PCDH9: variants seen among roughly 807,000 people sequenced by gnomAD.
The protein encoded by PCDH9 is protocadherin-9.
PCDH9 carries 24 observed loss-of-function variants against 70.6 expected under a neutral mutation model. The observed-to-expected ratio is 0.34, with a 90% CI of 0.25 to 0.48. The LOEUF is 0.48. Among genes scored for constraint, PCDH9 ranks in the 20% least tolerant of loss-of-function variants. The pLI is 0.99. For missense variants in PCDH9, 1,281 were observed against 1,503.6 expected, an observed-to-expected ratio of 0.85 and a Z score of 2.45; for synonymous variants, 562 against 558.5, an observed-to-expected ratio of 1.01 and a Z score of -0.09.
chr13:66,339,617 A>T (rs1238955392), intron 4 of PCDH9, among the ~76,000 whole-genome samples: 1 of 152,174 alleles, frequency 6.6e-6, no homozygotes, highest in Non-Finnish European at 1.5e-5. Context: ...ACACTGTGCC[A>T]TGATTATGTT....
chr13:67,058,770 G>A (rs2138118676), intron 2 of PCDH9, among the ~76,000 whole-genome samples: 1 of 152,208 alleles, frequency 6.6e-6, no homozygotes, highest in Admixed American at 6.6e-5. Context: ...CTTTTAGATG[G>A]TGGAGATGGA....
At chr13:66,450,584 C>CTTG in intron 4 of PCDH9, among the ~76,000 whole-genome samples, 1 of 152,268 alleles carries the variant, frequency 6.6e-6, no homozygotes, top group Middle Eastern at 3.4e-3. Flanking sequence ...ACATACAAGA[C>CTTG]CATTTGAATA....
chr13:66,469,299 C>A (rs1423891074), intron 4 of PCDH9, among the ~76,000 whole-genome samples: 2 of 152,034 alleles, frequency 1.3e-5, no homozygotes, highest in African/African-American at 2.4e-5. Context: ...GACAAAACCA[C>A]ATTATGCCAT....
intron 3 of PCDH9, among the ~76,000 whole-genome samples, chr13:66,700,527 C>T (rs1211601859): frequency 2.6e-5 from 4 of 152,098 alleles, no homozygotes; most frequent in Admixed American, 1.3e-4. Context: ...TTACTGCAAG[C>T]TCTGAAAAGA....
chr13:66,466,282 A>G (rs932906710), intron 4 of PCDH9, among the ~76,000 whole-genome samples: 9 of 151,824 alleles, frequency 5.9e-5, no homozygotes, highest in Non-Finnish European at 1.0e-4. Context: ...TTGATACACT[A>G]TGAATTCTAA....
intron 3 of PCDH9, among the ~76,000 whole-genome samples, chr13:66,645,097 T>A (rs748260388): frequency 3.3e-5 from 5 of 152,100 alleles, no homozygotes; most frequent in Non-Finnish European, 7.4e-5. Flanking sequence ...AGTTCAGACA[T>A]CTTGTTTTAT....
intron 3 of PCDH9, among the ~76,000 whole-genome samples, chr13:66,749,311 G>A (rs1378837991): frequency 1.3e-5 from 2 of 152,152 alleles, no homozygotes; most frequent in African/African-American, 4.8e-5. Flanking sequence ...ACAATCATCA[G>A]CTATGAGGAT....
intron 4 of PCDH9, among the ~76,000 whole-genome samples, chr13:66,414,915 A>T (rs966343521): frequency 1.3e-5 from 2 of 152,196 alleles, no homozygotes; most frequent in East Asian, 1.9e-4. Flanking sequence ...ACTTACAAAA[A>T]TAAGACAAAA....
intron 3 of PCDH9, among the ~76,000 whole-genome samples, chr13:66,889,980 T>C (rs2082069509): frequency 6.6e-6 from 1 of 152,186 alleles, no homozygotes; most frequent in African/African-American, 2.4e-5. Flanking sequence ...TAACAGCTTC[T>C]TGCTCTTCTT....
At chr13:67,054,144 T>C (rs1456125843) in intron 2 of PCDH9, among the ~76,000 whole-genome samples, 1 of 152,150 alleles carries the variant, frequency 6.6e-6, no homozygotes, top group Non-Finnish European at 1.5e-5. Flanking sequence ...TACAAAAAAT[T>C]TTCTGACCAT....
intron 4 of PCDH9, among the ~76,000 whole-genome samples, chr13:66,613,262 G>A (rs540348226): frequency 6.6e-6 from 1 of 152,192 alleles, no homozygotes; most frequent in Non-Finnish European, 1.5e-5. Context: ...CTGGCTAAGG[G>A]GTTTAACTTT....
chr13:67,091,115 T>C (rs1469411124), intron 2 of PCDH9, among the ~76,000 whole-genome samples: 1 of 152,126 alleles, frequency 6.6e-6, no homozygotes, highest in Non-Finnish European at 1.5e-5. Flanking sequence ...TCCTAAAATG[T>C]TTCACTTTGT....
intron 4 of PCDH9, among the ~76,000 whole-genome samples, chr13:66,554,209 A>T (rs1278023987): frequency 6.6e-6 from 1 of 152,170 alleles, no homozygotes; most frequent in Non-Finnish European, 1.5e-5. Flanking sequence ...CATCTAAAAA[A>T]AATCCTTTAA....
At chr13:67,199,136 A>G (rs1397466967) in intron 2 of PCDH9, among the ~76,000 whole-genome samples, 1 of 151,534 alleles carries the variant, frequency 6.6e-6, no homozygotes, top group Non-Finnish European at 1.5e-5. Flanking sequence ...ATCATTTTCA[A>G]TCTATCTGAA....
intron 2 of PCDH9, among the ~76,000 whole-genome samples, chr13:67,043,113 T>C (rs1313641599): frequency 1.3e-5 from 2 of 152,118 alleles, no homozygotes; most frequent in Admixed American, 6.6e-5. Flanking sequence ...AGAAAAAATG[T>C]CTTAGATGTC....
At chr13:67,102,334 C>G (rs575636684) in intron 2 of PCDH9, among the ~76,000 whole-genome samples, 2 of 152,096 alleles carry the variant, frequency 1.3e-5, no homozygotes, top group East Asian at 3.9e-4. Context: ...TCTTTCTCAG[C>G]CTCCACGGAC....
intron 2 of PCDH9, among the ~76,000 whole-genome samples, chr13:67,107,721 C>T (rs1249316718): frequency 6.6e-6 from 1 of 152,196 alleles, no homozygotes; most frequent in Non-Finnish European, 1.5e-5. Context: ...AAGACCTGAA[C>T]TGAGACCTGC....
At chr13:66,942,109 C>G (rs1248816006) in intron 2 of PCDH9, among the ~76,000 whole-genome samples, 1 of 151,750 alleles carries the variant, frequency 6.6e-6, no homozygotes, top group African/African-American at 2.4e-5. Context: ...AGAAGTTACT[C>G]TGAATTTAAT....
rs189388893 is a variant in PCDH9 at position 66,837,313 on chromosome 13, G to A, written c.3138+66191C>T. On this transcript the variant is annotated intron_variant, in intron 3 of 4. Coordinates refer to ENST00000377865, the MANE Select transcript of PCDH9 (RefSeq NM_203487.3). ...AGGTCCTTTTCTGAATGTTCCACGA[G>A]TGTTAATTCCCTTGGTCTTCATGAA... Among the ~76,000 whole-genome samples, 47 of 152,174 alleles carry A rather than the reference G, an allele frequency of 3.1e-4. 1 individual carries two copies. Among genetic ancestry groups the A allele is most frequent in the Middle Eastern group, 6.8e-3 (2 of 294 alleles).
Sources: gnomAD v4.1 joint callset for allele counts (sites outside exome capture counted in the v4.1 genomes callset) on GRCh38, gnomAD v4.1.1 for gene constraint, MANE v1.5 for transcripts, NCBI Gene and HGNC (gene_info 2026-07-23, HGNC 2026-07-21) for gene names.